Variants in STK31 observed in about 807,000 individuals in gnomAD.
The protein encoded by STK31 is serine/threonine kinase 31, also known as serine/threonine-protein kinase 31.
In STK31, 89 loss-of-function variants were observed where a neutral mutation model predicts 129.7. The ratio of observed to expected loss-of-function variants is 0.69; its 90% CI spans 0.58 to 0.82. STK31 has a LOEUF of 0.82. Ranked by LOEUF, STK31 falls within the 40% of genes least tolerant of loss-of-function variation. The pLI, the probability that STK31 is intolerant of heterozygous loss-of-function variation, is 0.00. For missense variants in STK31, 1,187 were observed against 1,176.4 expected (o/e 1.01, Z -0.13); for synonymous variants, 448 against 395.3 (o/e 1.13, Z -1.58).
At chr7:23,786,704 T>C (rs1156285204) in intron 19 of STK31, 71 bp downstream of exon 19, 5 of 1,567,154 alleles carry the variant, frequency 3.2e-6, no homozygotes, top group African/African-American at 1.4e-5. Flanking sequence ...TAAAATAAAT[T>C]TTAGCTCCAG....
chr7:23,725,849 C>G (rs574468950), intron 4 of STK31: 5 of 152,130 alleles, frequency 3.3e-5, no homozygotes, highest in African/African-American at 1.2e-4. Flanking sequence ...TAAAAAAAGT[C>G]TTTTTGCTTT....
At chr7:23,810,585 TAA>T (rs1319600475) in intron 22 of STK31, among the ~76,000 whole-genome samples, 1 of 131,880 alleles carries the variant, frequency 7.6e-6, no homozygotes, top group Non-Finnish European at 1.6e-5. Context: ...GAAAAAATTT[TAA>T]GAGTCCATCT....
chr7:23,718,590 A>C (rs987869866), intron 4 of STK31, among the ~76,000 whole-genome samples: 4 of 152,134 alleles, frequency 2.6e-5, no homozygotes, highest in African/African-American at 9.7e-5. Flanking sequence ...ATCATGGAGT[A>C]TGTAGTTTAT....
chr7:23,784,232 G>A lies in STK31; in HGVS notation c.2148+569G>A, dbSNP rs574949463. Among the ~76,000 whole-genome samples, 6 of 152,206 alleles carry A rather than the reference G, an allele frequency of 3.9e-5. No individual in the cohort carries two copies. The East Asian group carries it at 1.2e-3, about 29-fold the overall frequency. ...ATCTGTTAGTCCTGCGATTTATATTGCCTTCTACAGTGAGGGCCTAGATGA... is the reference window on the plus strand; with the variant it reads ...ATCTGTTAGTCCTGCGATTTATATTACCTTCTACAGTGAGGGCCTAGATGA... On this transcript the variant is annotated intron_variant, in intron 17 of 23. Transcript: ENST00000355870.
At chr7:23,808,943 T>TTATGTGTGTGTGTGTGTGTGTG (rs71552258) in intron 22 of STK31, among the ~76,000 whole-genome samples, 2,050 of 84,484 alleles carry the variant, frequency 0.024, 46 homozygotes, top group South Asian at 0.044. Context: ...CTTGGAGCTT[T>TTATGTGTGTGTGTGTGTGTGTG]TGTGTGTGTG....
chr7:23,740,346 C>T (rs1019589490), intron 8 of STK31, among the ~76,000 whole-genome samples: 1 of 152,114 alleles, frequency 6.6e-6, no homozygotes, highest in Non-Finnish European at 1.5e-5. Context: ...AAATTAGCTT[C>T]TGTGTCCTTT....
chr7:23,754,290 T>C, intron 9 of STK31, 25 bp from the exon 10 acceptor site: 1 of 1,597,016 alleles, frequency 6.3e-7, no homozygotes, highest in Non-Finnish European at 8.5e-7. Context: ...ATTGATCTTC[T>C]TCTTTTTGAT....
intron 6 of STK31, among the ~76,000 whole-genome samples, chr7:23,735,036 T>G (rs1787636968): frequency 6.6e-6 from 1 of 152,222 alleles, no homozygotes; most frequent in Non-Finnish European, 1.5e-5. Context: ...AGTTTGTTGA[T>G]TTTTAAAGAA....
At chr7:23,781,170 CAAG>C (rs1353961963) in intron 15 of STK31, among the ~76,000 whole-genome samples, 1 of 152,130 alleles carries the variant, frequency 6.6e-6, no homozygotes, top group African/African-American at 2.4e-5. Context: ...GATGAAGAGA[CAAG>C]AAAAATCTGT....
intron 22 of STK31, among the ~76,000 whole-genome samples, chr7:23,803,621 A>C (rs1255387254): frequency 6.6e-6 from 1 of 152,130 alleles, no homozygotes; most frequent in African/African-American, 2.4e-5. Context: ...GTACATATGC[A>C]GGTTTGTTAT....
intron 23 of STK31, among the ~76,000 whole-genome samples, chr7:23,831,398 C>G (rs560724764): frequency 1.3e-5 from 2 of 152,074 alleles, no homozygotes; most frequent in Non-Finnish European, 2.9e-5. Context: ...GACTTAAAGT[C>G]TGTCTTACCT....
At chr7:23,800,517 G>GTGAACATGTTCTCACTCATAAGT (rs1554296167) in intron 22 of STK31, among the ~76,000 whole-genome samples, 8 of 151,946 alleles carry the variant, frequency 5.3e-5, no homozygotes, top group African/African-American at 1.9e-4. Flanking sequence ...TCACTCATAA[G>GTGAACATGTTCTCACTCATAAGT]TGAACATGTT....
At chr7:23,785,877 G>A (rs551274634) in intron 18 of STK31, among the ~76,000 whole-genome samples, 2 of 152,170 alleles carry the variant, frequency 1.3e-5, no homozygotes, top group African/African-American at 4.8e-5. Flanking sequence ...ATAGCATTAG[G>A]AGAAATACCT....
chr7:23,791,602 C>A (rs916684350), intron 22 of STK31, among the ~76,000 whole-genome samples: 1 of 152,120 alleles, frequency 6.6e-6, no homozygotes, highest in Non-Finnish European at 1.5e-5. Context: ...TGCACATGTA[C>A]CCCTTGAACC....
chr7:23,822,278 T>G (rs1213555702), intron 23 of STK31, among the ~76,000 whole-genome samples: 10 of 152,180 alleles, frequency 6.6e-5, no homozygotes, highest in Admixed American at 6.5e-4. Context: ...ATGGAGTGTC[T>G]TTCCATTTGT....
chr7:23,757,313 TG>T, intron 10 of STK31, among the ~76,000 whole-genome samples: 1 of 152,072 alleles, frequency 6.6e-6, no homozygotes, highest in South Asian at 2.1e-4. Flanking sequence ...GAAAGAAAAG[TG>T]GGCCCAAGGG....
chr7:23,743,184 C>T (rs111433228), intron 8 of STK31, among the ~76,000 whole-genome samples: 18,803 of 151,976 alleles, frequency 0.12, 1,288 homozygotes, highest in East Asian at 0.22. Flanking sequence ...GAATTCCTGA[C>T]CTCAGGTGAT....
rs768288803 is a variant in STK31, at chr7:23,772,221, G to T, written c.1908G>T (p.Leu636Phe). 2 of 1,608,858 alleles carry T rather than the reference G, an allele frequency of 1.2e-6. No homozygotes were observed. The highest frequency in any genetic ancestry group is 3.4e-5 in the Admixed American group (2 of 58,904). ...ACTTGCTATCCATTAAGAAGACATTGAAAAGCTTAAAAGCTCTACTCAGAT... is the reference window on the plus strand; with the variant it reads ...ACTTGCTATCCATTAAGAAGACATTTAAAAGCTTAAAAGCTCTACTCAGAT... ...VDHLLSIKKT[L>F]KSLKALLRWK... The change falls in exon 15 of 24, where the codon TTG (leucine) becomes TTT (phenylalanine). Residue 636 changes from leucine to phenylalanine, a missense_variant. Physicochemically the swap from Leu to Phe is conservative, Grantham distance 22. Transcript: ENST00000355870.
chr7:23,791,903 C>T (rs1409363575), intron 22 of STK31, among the ~76,000 whole-genome samples: 1 of 152,142 alleles, frequency 6.6e-6, no homozygotes, highest in African/African-American at 2.4e-5. Flanking sequence ...ATGAAAGCAG[C>T]CATAGACAGT....
Sources: allele counts gnomAD v4.1 joint callset (sites outside exome capture counted in the v4.1 genomes callset), GRCh38; gene constraint gnomAD v4.1.1; transcripts MANE v1.5; gene names NCBI Gene and HGNC (gene_info 2026-07-23, HGNC 2026-07-21).